The following FAM13B variants were observed in gnomAD, a reference collection of about 807,000 sequenced individuals.
FAM13B encodes the protein protein FAM13B.
Under a neutral mutation model 117.3 loss-of-function variants are expected in FAM13B, and 60 were observed. That is an observed-to-expected ratio of 0.51 (90% CI 0.42 to 0.63). The LOEUF (loss-of-function observed/expected upper bound fraction) is 0.63. Among genes scored for constraint, FAM13B ranks in the 30% least tolerant of loss-of-function variants. The probability of loss-of-function intolerance (pLI) is 0.00; values close to 1 mark genes in which losing one functional copy is unlikely to be tolerated. For synonymous variants in FAM13B, 332 were observed against 356.1 expected, an observed-to-expected ratio of 0.93 and a Z score of 0.76; for missense variants, 972 against 1,091.9, an observed-to-expected ratio of 0.89 and a Z score of 1.55.
Position 137,966,127 on chromosome 5 carries a change from C to CCTA in FAM13B, c.1180-3661_1180-3659dup, listed in dbSNP as rs757267382. ...AAAAAAAAATTCTATTTTGCAAAAA[C>CCTA]CTACTAGATAAGCTTATCCAAAATA... On this transcript the variant is annotated intron_variant, in intron 10 of 23. Transcript: ENST00000689681. 2.6e-5 allele frequency among the ~76,000 whole-genome samples: 4 copies of CCTA among 151,650 alleles called. No individual in the cohort carries two copies. In the East Asian group the frequency reaches 7.7e-4, roughly 29 times the overall value.
chr5:138,033,512 G>A (rs1303721645), upstream of FAM13B, among the ~76,000 whole-genome samples: 2 of 152,152 alleles, frequency 1.3e-5, no homozygotes, highest in Non-Finnish European at 2.9e-5. Context: ...AGTTAGATCC[G>A]GGACCACGGG....
At chr5:137,993,132 G>A (rs2150675202) in intron 7 of FAM13B, among the ~76,000 whole-genome samples, 1 of 152,230 alleles carries the variant, frequency 6.6e-6, no homozygotes, top group East Asian at 1.9e-4. Context: ...TTTTCATAAA[G>A]CTCTAAAACA....
chr5:137,999,254 C>G (rs1479048617), intron 7 of FAM13B, among the ~76,000 whole-genome samples: 2 of 152,014 alleles, frequency 1.3e-5, no homozygotes, highest in Non-Finnish European at 2.9e-5. Flanking sequence ...ACTGGGACCA[C>G]AGCACATGAC....
chr5:137,951,638 G>C (rs997887430), intron 17 of FAM13B, among the ~76,000 whole-genome samples: 14 of 151,974 alleles, frequency 9.2e-5, no homozygotes, highest in Non-Finnish European at 1.8e-4. Context: ...CAACCTCGAT[G>C]ACAGAGCAAG....
chr5:137,994,000 T>G (rs1438109949), intron 7 of FAM13B, among the ~76,000 whole-genome samples: 1 of 152,134 alleles, frequency 6.6e-6, no homozygotes, highest in Admixed American at 6.5e-5. Context: ...TAATAAAATT[T>G]CCAGTTATTC....
At chr5:137,943,320 T>C in intron 20 of FAM13B, 104 bp from the exon 21 acceptor site, 2 of 876,674 alleles carry the variant, frequency 2.3e-6, no homozygotes, top group Non-Finnish European at 3.5e-6. Flanking sequence ...ATTTTCAAAA[T>C]CTTAAACATT....
chr5:138,009,483 C>G (rs1783404239), intron 6 of FAM13B, among the ~76,000 whole-genome samples: 1 of 150,696 alleles, frequency 6.6e-6, no homozygotes, highest in African/African-American at 2.4e-5. Context: ...CAAGGAAACA[C>G]TGGCCAAAAA....
In FAM13B at chr5:137,949,023, T is replaced by C. The variant is rs374495877; in HGVS notation, c.2092A>G (p.Thr698Ala). The part of the protein sequence containing the change: ...QKEKKPSKEA[T>A]LELILKRLKE... The stretch of plus-strand genomic sequence containing the variant: ...AGTCTTTTAAGAATAAGTTCAAGGG[T>C]TGCTTCTTTAGATGGTTTTTTCTCC... Residue 698 changes from threonine to alanine, a missense_variant, in exon 18 of 24, where the codon ACC becomes GCC. Physicochemically the swap from Thr to Ala is moderately conservative, Grantham distance 58 (BLOSUM62 0). Transcript: ENST00000689681. 1.9e-6 allele frequency: 3 copies of C among 1,613,884 alleles called. 1 individual carries two copies. The highest frequency in any genetic ancestry group is 2.5e-6 in the Non-Finnish European group (3 of 1,180,012).
At chr5:138,023,801 C>A (rs1561542086) in intron 1 of FAM13B, among the ~76,000 whole-genome samples, 1 of 152,194 alleles carries the variant, frequency 6.6e-6, no homozygotes, top group Admixed American at 6.5e-5. Flanking sequence ...CTCAGGCAAT[C>A]CACCCACTTC....
upstream of FAM13B, among the ~76,000 whole-genome samples, chr5:138,052,136 A>G (rs1791816489): frequency 3.3e-5 from 5 of 152,172 alleles, no homozygotes; most frequent in South Asian, 1.0e-3. Flanking sequence ...TGATGGCCTG[A>G]CAAGTCAGCC....
intron 15 of FAM13B, among the ~76,000 whole-genome samples, chr5:137,953,685 T>C (rs1395455577): frequency 6.6e-6 from 1 of 152,204 alleles, no homozygotes; most frequent in Non-Finnish European, 1.5e-5. Flanking sequence ...CATTTAAAAC[T>C]GGTTTGGACA....
chr5:138,000,512 A>G (rs1202197430), intron 7 of FAM13B, among the ~76,000 whole-genome samples: 1 of 152,234 alleles, frequency 6.6e-6, no homozygotes, highest in Non-Finnish European at 1.5e-5. Context: ...ATAATTTTTA[A>G]GTGTGTAAGG....
At chr5:138,020,222 G>T (rs557394378) in intron 2 of FAM13B, among the ~76,000 whole-genome samples, 1 of 151,618 alleles carries the variant, frequency 6.6e-6, no homozygotes, top group Non-Finnish European at 1.5e-5. Flanking sequence ...CACCACGCCC[G>T]GCTAATTTTG....
At chr5:137,957,923 C>T (rs941595883) in intron 13 of FAM13B, among the ~76,000 whole-genome samples, 16 of 152,186 alleles carry the variant, frequency 1.1e-4, no homozygotes, top group East Asian at 3.8e-4. Context: ...GACTCAAGAA[C>T]GCTGACGCTA....
At chr5:138,026,520 G>A (rs1046404737) in intron 1 of FAM13B, among the ~76,000 whole-genome samples, 2 of 150,426 alleles carry the variant, frequency 1.3e-5, no homozygotes, top group African/African-American at 2.5e-5. Context: ...CCAGCTACTC[G>A]GGAGGCTGAG....
chr5:138,008,786 A>T (rs1344720917), intron 6 of FAM13B, among the ~76,000 whole-genome samples: 5 of 152,258 alleles, frequency 3.3e-5, no homozygotes, highest in Non-Finnish European at 5.9e-5. Flanking sequence ...TACCTAAAGC[A>T]GGAGGTCTCA....
chr5:138,028,217 A>T (rs1264220061), intron 1 of FAM13B, among the ~76,000 whole-genome samples: 1 of 152,240 alleles, frequency 6.6e-6, no homozygotes, highest in African/African-American at 2.4e-5. Flanking sequence ...GCTTTAAAAA[A>T]TAAAACCAAA....
intron 7 of FAM13B, among the ~76,000 whole-genome samples, chr5:137,998,983 T>C (rs574110794): frequency 1.3e-5 from 2 of 152,338 alleles, no homozygotes; most frequent in Non-Finnish European, 1.5e-5. Context: ...CCAGGCATAA[T>C]GGAATCTTGC....
At chr5:137,997,795 T>A (rs1172552820) in intron 7 of FAM13B, among the ~76,000 whole-genome samples, 1 of 152,226 alleles carries the variant, frequency 6.6e-6, no homozygotes, top group Non-Finnish European at 1.5e-5. Context: ...TCTATAAACC[T>A]GAGAGTCTTC....
Sources: allele counts gnomAD v4.1 joint callset (sites outside exome capture counted in the v4.1 genomes callset), GRCh38; gene constraint gnomAD v4.1.1; transcripts MANE v1.5; gene names NCBI Gene and HGNC (gene_info 2026-07-23, HGNC 2026-07-21).